CAMK2D: variants seen among roughly 807,000 people sequenced by gnomAD.
The protein encoded by CAMK2D is calcium/calmodulin-dependent protein kinase type II subunit delta.
CAMK2D carries 37 observed loss-of-function variants against 84.0 expected under a neutral mutation model. The ratio of observed to expected loss-of-function variants is 0.44; its 90% CI spans 0.34 to 0.58. The LOEUF (loss-of-function observed/expected upper bound fraction) is 0.58, where lower values mean the gene tolerates loss of function less well. Among genes scored for constraint, CAMK2D ranks in the 20% least tolerant of loss-of-function variants. The pLI, the probability that CAMK2D is intolerant of heterozygous loss-of-function variation, is 0.02. For missense variants in CAMK2D, 448 were observed against 652.5 expected (o/e 0.69, Z 3.41); for synonymous variants, 202 against 212.5 (o/e 0.95, Z 0.43).
intron 4 of CAMK2D, among the ~76,000 whole-genome samples, chr4:113,584,305 A>C (rs1026593141): frequency 6.6e-6 from 1 of 152,204 alleles, no homozygotes; most frequent in African/African-American, 2.4e-5. Context: ...AAAATAAAAA[A>C]GGGATAATTA....
intron 13 of CAMK2D, among the ~76,000 whole-genome samples, chr4:113,508,625 G>A (rs2098164643): frequency 6.6e-6 from 1 of 152,170 alleles, no homozygotes; most frequent in African/African-American, 2.4e-5. Context: ...CACAATTGCA[G>A]GCTGAGGAAA....
chr4:113,742,608 T>C (rs895136305), intron 2 of CAMK2D, among the ~76,000 whole-genome samples: 3 of 152,030 alleles, frequency 2.0e-5, no homozygotes, highest in Admixed American at 6.5e-5. Flanking sequence ...TAAACCTTTG[T>C]AGTAAACTTA....
intron 4 of CAMK2D, among the ~76,000 whole-genome samples, chr4:113,568,692 CA>C (rs2098737627): frequency 6.6e-6 from 1 of 152,192 alleles, no homozygotes; most frequent in South Asian, 2.1e-4. Flanking sequence ...TTCCCACCAG[CA>C]ACCTACATGA....
chr4:113,709,746 G>GAGATATATAT (rs1554070631), intron 2 of CAMK2D, among the ~76,000 whole-genome samples: 1 of 49,818 alleles, frequency 2.0e-5, no homozygotes, highest in Non-Finnish European at 3.5e-5. Flanking sequence ...AGCCGTGAAC[G>GAGATATATAT]ATATATATAT....
intron 6 of CAMK2D, among the ~76,000 whole-genome samples, chr4:113,543,940 C>T (rs1202678300): frequency 3.3e-5 from 5 of 151,936 alleles, no homozygotes; most frequent in South Asian, 2.1e-4. Flanking sequence ...TATAGGCGCC[C>T]GCCACCACGC....
At chr4:113,716,385 C>G (rs556601591) in intron 2 of CAMK2D, among the ~76,000 whole-genome samples, 19 of 152,140 alleles carry the variant, frequency 1.2e-4, no homozygotes, top group Non-Finnish European at 2.2e-4. Flanking sequence ...CATGGTGGCT[C>G]ACACCTGAAA....
At chr4:113,461,201 T>A (rs1169199659) in intron 17 of CAMK2D, among the ~76,000 whole-genome samples, 1 of 152,200 alleles carries the variant, frequency 6.6e-6, no homozygotes, top group Non-Finnish European at 1.5e-5. Flanking sequence ...CCTAGAAATA[T>A]GATTCAATAA....
At chr4:113,614,190 T>C (rs1484413027) in intron 3 of CAMK2D, among the ~76,000 whole-genome samples, 1 of 152,120 alleles carries the variant, frequency 6.6e-6, no homozygotes, top group South Asian at 2.1e-4. Flanking sequence ...AAAACCAAGG[T>C]TGTTAATTAT....
chr4:113,754,644 G>A (rs1412893723), intron 2 of CAMK2D: 1 of 976,140 alleles, frequency 1.0e-6, no homozygotes, highest in Admixed American at 6.2e-5. Context: ...ATGAAATACA[G>A]AAAAGAATTC....
intron 6 of CAMK2D, among the ~76,000 whole-genome samples, chr4:113,537,664 T>C (rs2098502697): frequency 1.3e-5 from 2 of 152,132 alleles, no homozygotes; most frequent in African/African-American, 4.8e-5. Flanking sequence ...CCTAGAGAGA[T>C]ACTGGGTAGA....
chr4:113,576,578 A>C (rs2098783699), intron 4 of CAMK2D, among the ~76,000 whole-genome samples: 1 of 152,122 alleles, frequency 6.6e-6, no homozygotes, highest in Admixed American at 6.6e-5. Context: ...ATACACATTA[A>C]AAAAACAAAC....
At chr4:113,509,915 A>ATACTT (rs1342971822) in intron 12 of CAMK2D, among the ~76,000 whole-genome samples, 2 of 152,240 alleles carry the variant, frequency 1.3e-5, no homozygotes, top group African/African-American at 4.8e-5. Flanking sequence ...ATACAATTGA[A>ATACTT]TACTTTGCCA....
chr4:113,676,348 T>G (rs1161880554), intron 2 of CAMK2D, among the ~76,000 whole-genome samples: 1 of 152,208 alleles, frequency 6.6e-6, no homozygotes, highest in Non-Finnish European at 1.5e-5. Flanking sequence ...ATCAGGGAGT[T>G]AAAAATCACA....
chr4:113,709,204 T>C (rs1212702658), intron 2 of CAMK2D, among the ~76,000 whole-genome samples: 6 of 73,258 alleles, frequency 8.2e-5, no homozygotes, highest in South Asian at 7.5e-4. Context: ...CTCAAAATCA[T>C]CTCTTGAGTA....
intron 2 of CAMK2D, chr4:113,677,590 T>G: frequency 1.0e-6 from 1 of 965,408 alleles, no homozygotes; most frequent in Non-Finnish European, 1.2e-6. Flanking sequence ...TCTCTAAGAG[T>G]CAAGCGATGC....
At chr4:113,471,891 C>G (rs1414585990) in intron 16 of CAMK2D, among the ~76,000 whole-genome samples, 1 of 151,612 alleles carries the variant, frequency 6.6e-6, no homozygotes, top group Non-Finnish European at 1.5e-5. Flanking sequence ...CCTGCTTTAT[C>G]TCTTGACACT....
At chr4:113,553,597 T>C (rs959694995) in intron 4 of CAMK2D, among the ~76,000 whole-genome samples, 6 of 152,242 alleles carry the variant, frequency 3.9e-5, no homozygotes, top group Admixed American at 2.0e-4. Flanking sequence ...TGAACATTTA[T>C]GCAACTTCTG....
intron 2 of CAMK2D, among the ~76,000 whole-genome samples, chr4:113,740,777 T>C (rs1331041913): frequency 6.6e-6 from 1 of 152,124 alleles, no homozygotes; most frequent in Admixed American, 6.5e-5. Context: ...TCCTTCTCAC[T>C]ATTTCTAATG....
At chr4:113,678,258 G>A (rs1259849091) in intron 2 of CAMK2D, among the ~76,000 whole-genome samples, 1 of 152,142 alleles carries the variant, frequency 6.6e-6, no homozygotes, top group Non-Finnish European at 1.5e-5. Flanking sequence ...GGATCTGAGA[G>A]CTCTTTAGCA....
Sources: gnomAD v4.1 joint callset for allele counts (sites outside exome capture counted in the v4.1 genomes callset) on GRCh38, gnomAD v4.1.1 for gene constraint, MANE v1.5 for transcripts, NCBI Gene and HGNC (gene_info 2026-07-23, HGNC 2026-07-21) for gene names.